Variants in STRA6 observed in about 807,000 individuals in gnomAD.
STRA6 encodes the protein signaling receptor and transporter of retinol STRA6, also known as receptor for retinol uptake STRA6.
STRA6 carries 48 observed loss-of-function variants against 83.6 expected under a neutral mutation model. That is an observed-to-expected ratio of 0.57 (90% CI 0.46 to 0.73). The LOEUF (loss-of-function observed/expected upper bound fraction) is 0.73, where lower values mean the gene tolerates loss of function less well. STRA6 is among the 30% of genes least tolerant of loss of function. The probability of loss-of-function intolerance (pLI) is 0.00; values close to 1 mark genes in which losing one functional copy is unlikely to be tolerated. For missense variants in STRA6, 760 were observed against 838.8 expected (o/e 0.91, Z 1.16); for synonymous variants, 353 against 362.3 (o/e 0.97, Z 0.29).
At chr15:74,205,706 G>C (rs1366440481), upstream of STRA6, among the ~76,000 whole-genome samples, 4 of 152,200 alleles carry the variant, frequency 2.6e-5, no homozygotes, top group Admixed American at 6.5e-5. Flanking sequence ...AGCCAGGCTG[G>C]CAGAAAGGGA....
chr15:74,184,869 C>G, intron 13 of STRA6, 111 bp downstream of exon 13: 2 of 1,107,776 alleles, frequency 1.8e-6, no homozygotes, highest in South Asian at 2.7e-5. Flanking sequence ...CATGACAGCC[C>G]GGGCCGGCAG....
Position 74,180,180 on chromosome 15 carries a change from C to T in STRA6, c.1904G>A (p.Gly635Asp). ...GTAGGCCAGACCCCAGCGAGCCCTGCCGCGGCTGGCCCCGGGCCTAGCTCC... is the reference window on the plus strand; with the variant it reads ...GTAGGCCAGACCCCAGCGAGCCCTGTCGCGGCTGGCCCCGGGCCTAGCTCC... ...AKGARPGASR[G>D]RARWGLAYTL... Residue 635 changes from glycine to aspartate, a missense_variant, in exon 19 of 19, where the codon GGC becomes GAC. Physicochemically the swap from Gly to Asp is moderately conservative, Grantham distance 94. Transcript: ENST00000395105. 6.2e-7 allele frequency: 1 copy of T among 1,613,982 alleles called. No individual in the cohort carries two copies. Among genetic ancestry groups the T allele is most frequent in the Non-Finnish European group, 8.5e-7 (1 of 1,179,988 alleles).
rs1261942232 is a variant in STRA6 at position 74,189,021 on chromosome 15, C to T, written c.1090+94G>A. ...GAGAGGAAGGAATGTGTCCAAGGGC[C>T]CCCAGTGTGTCCATGGCTGACTAGG... On this transcript the variant is annotated intron_variant, in intron 12 of 18. Transcript: ENST00000395105. The T allele has an allele frequency of 4.8e-6, 7 of 1,469,322 alleles. No individual in the cohort carries two copies. In the Admixed American group the frequency reaches 1.1e-4, roughly 23 times the overall value. The allele number at this position is 1,469,322 out of a possible 1,614,324, so 91.0% of individuals were successfully genotyped here.
Position 74,181,399 on chromosome 15 carries a change from A to G in STRA6, c.1580T>C (p.Met527Thr), listed in dbSNP as rs1281000130. 4 of 1,613,328 alleles carry G rather than the reference A, an allele frequency of 2.5e-6. No individual in the cohort carries two copies. The highest frequency in any genetic ancestry group is 3.4e-6 in the Non-Finnish European group (4 of 1,179,652). The change falls in exon 17 of 19, where the codon ATG becomes ACG. Residue 527 changes from methionine (M) to threonine (T), a missense_variant. Coordinates refer to ENST00000395105, the MANE Select transcript of STRA6 (RefSeq NM_022369.4). ...GAGGAGCACTCGCCAGGTGGCCACC[A>G]TGGCACCCACCAGCACATTGAGGGG... ...LFPLNVLVGA[M>T]VATWRVLLSA...
At position 74,179,782 on chromosome 15, in the gene STRA6, C is replaced by T; in HGVS notation, c.*298G>A. On this transcript the variant is annotated 3_prime_UTR_variant, in exon 19 of 19. Transcript: ENST00000395105. ...AGGCCCTTCAAGGCTGATGGCAGAG[C>T]CAGGGTAGGGAGACGCCTGGATGTG... is the stretch of plus-strand genomic sequence containing the variant. 1 of 378,080 alleles carries T rather than the reference C, an allele frequency of 2.6e-6. No individual in the cohort carries two copies. Among genetic ancestry groups the T allele is most frequent in the Non-Finnish European group, 4.9e-6 (1 of 205,184 alleles). The allele number at this position is 378,080 out of a possible 1,614,324, so 23.4% of individuals were successfully genotyped here. A position where few individuals can be genotyped will look rare whatever the true frequency, so the allele number is the denominator to read the frequency against.
At chr15:74,209,410 C>T (rs967327093), upstream of STRA6, 12 of 1,535,486 alleles carry the variant, frequency 7.8e-6, no homozygotes, top group Middle Eastern at 1.7e-4. Context: ...TGATGAATTG[C>T]CAGAGGGGAA....
At chr15:74,185,834 AGCCATGCT>A (rs1366918051) in intron 12 of STRA6, among the ~76,000 whole-genome samples, 1 of 152,262 alleles carries the variant, frequency 6.6e-6, no homozygotes, top group African/African-American at 2.4e-5. Flanking sequence ...TCGCCCAGAC[AGCCATGCT>A]GCTAGGAATG....
chr15:74,202,797 C>G, upstream of STRA6: 1 of 1,124,382 alleles, frequency 8.9e-7, no homozygotes, highest in Non-Finnish European at 1.1e-6. Flanking sequence ...TGCCTGGGCC[C>G]TCCCAGCTGG....
intron 12 of STRA6, among the ~76,000 whole-genome samples, chr15:74,186,208 AC>A (rs1156435839): frequency 6.6e-6 from 1 of 152,222 alleles, no homozygotes; most frequent in Non-Finnish European, 1.5e-5. Flanking sequence ...ACTGACAGCC[AC>A]TGCTCTGGGG....
chr15:74,184,973 C>T lies in STRA6; in HGVS notation c.1166+7G>A. Reference sequence around the variant, plus strand: ...CGGCGCTGGGTGAGCCAGAGTCTGTCACTCACCTGTGTGTCACCAGTGAGC... The same window carrying T: ...CGGCGCTGGGTGAGCCAGAGTCTGTTACTCACCTGTGTGTCACCAGTGAGC... On this transcript the variant is annotated splice_region_variant and intron_variant, in intron 13 of 18. Transcript: ENST00000395105. The T allele has an allele frequency of 1.2e-6, 2 of 1,613,584 alleles. No individual in the cohort carries two copies. Among genetic ancestry groups the T allele is most frequent in the Non-Finnish European group, 1.7e-6 (2 of 1,179,764 alleles).
chr15:74,203,816 G>T (rs2074185549), upstream of STRA6, among the ~76,000 whole-genome samples: 1 of 152,086 alleles, frequency 6.6e-6, no homozygotes, highest in African/African-American at 2.4e-5. Flanking sequence ...ATTTGGGGAT[G>T]GGGGGAGATT....
upstream of STRA6, chr15:74,209,850 G>A (rs1180845257): frequency 5.9e-6 from 1 of 169,168 alleles, no homozygotes; most frequent in African/African-American, 2.4e-5. Flanking sequence ...TAAAGGCCGG[G>A]CCAAGAAGCG....
rs954728923 is a variant in STRA6, at chr15:74,193,728, G to C, written c.720+72C>G. On this transcript the variant is annotated intron_variant, in intron 8 of 18. Transcript: ENST00000395105. ...TACATCAAGCACGGCCATGTATCTG[G>C]GACCACAGATACGGGGGAGTAGGGC... The C allele has an allele frequency of 6.9e-6, 11 of 1,600,098 alleles. No individual in the cohort carries two copies. In the African/African-American group the frequency reaches 1.3e-4, roughly 19 times the overall value.
upstream of STRA6, among the ~76,000 whole-genome samples, chr15:74,211,876 C>A (rs2074372183): frequency 6.6e-6 from 1 of 152,106 alleles, no homozygotes; most frequent in South Asian, 2.1e-4. Context: ...CCTCCTCCTT[C>A]TTTCTCTGTC....
chr15:74,182,303 C>T, intron 15 of STRA6, 40 bp downstream of exon 15: 2 of 1,613,978 alleles, frequency 1.2e-6, no homozygotes, highest in Non-Finnish European at 1.7e-6. Flanking sequence ...TAGCGGACCT[C>T]TAAGGAGTCC....
intron 16 of STRA6, among the ~76,000 whole-genome samples, 196 bp from the exon 17 acceptor site, chr15:74,181,654 C>T (rs2072996454): frequency 6.6e-6 from 1 of 152,148 alleles, no homozygotes; most frequent in Non-Finnish European, 1.5e-5. Flanking sequence ...GAAACTGAGG[C>T]CCAGAGAGAT....
upstream of STRA6, among the ~76,000 whole-genome samples, chr15:74,204,139 T>G (rs116531314): frequency 7.7e-3 from 1,177 of 152,322 alleles, 13 homozygotes; most frequent in African/African-American, 0.028. Flanking sequence ...TATCAGCATC[T>G]GCTGACTCAG....
At chr15:74,201,978 G>A (rs1403106456) in intron 2 of STRA6, among the ~76,000 whole-genome samples, 177 bp downstream of exon 2, 3 of 152,200 alleles carry the variant, frequency 2.0e-5, no homozygotes, top group Admixed American at 2.0e-4. Context: ...ATGTAACAGA[G>A]GCAGAGACTG....
intron 16 of STRA6, 97 bp from the exon 17 acceptor site, chr15:74,181,555 C>T: frequency 6.7e-7 from 1 of 1,491,326 alleles, no homozygotes; most frequent in South Asian, 1.2e-5. Flanking sequence ...TGTGTATTTA[C>T]TGAGTGCCTA....
Sources: gnomAD v4.1 joint callset for allele counts (sites outside exome capture counted in the v4.1 genomes callset) on GRCh38, gnomAD v4.1.1 for gene constraint, MANE v1.5 for transcripts, NCBI Gene and HGNC (gene_info 2026-07-23, HGNC 2026-07-21) for gene names.